RAPGEF6: variants seen among roughly 807,000 people sequenced by gnomAD.
RAPGEF6 encodes Rap guanine nucleotide exchange factor 6.
Under a neutral mutation model 171.4 loss-of-function variants are expected in RAPGEF6, and 56 were observed. That is an observed-to-expected ratio of 0.33 (90% CI 0.26 to 0.41). The LOEUF is 0.41. RAPGEF6 is among the 10% of genes least tolerant of loss of function. The pLI, the probability that RAPGEF6 is intolerant of heterozygous loss-of-function variation, is 1.00. For missense variants in RAPGEF6, 1,674 were observed against 1,921.4 expected (o/e 0.87, Z 2.41); for synonymous variants, 692 against 650.1 (o/e 1.06, Z -0.98).
intron 6 of RAPGEF6, 97 bp downstream of exon 6, chr5:131,547,950 A>G (rs1385302190): frequency 1.5e-6 from 2 of 1,325,796 alleles, no homozygotes; most frequent in African/African-American, 3.0e-5. Flanking sequence ...TCACATACAG[A>G]GCCCAGCATG....
intron 19 of RAPGEF6, among the ~76,000 whole-genome samples, chr5:131,456,716 C>T (rs1164189108): frequency 6.6e-6 from 1 of 152,166 alleles, no homozygotes; most frequent in Non-Finnish European, 1.5e-5. Flanking sequence ...ATCAGCAAAT[C>T]CTGTTTCTCA....
At chr5:131,531,652 TTTGTAAAATAGCACAATTCAA>T (rs1402092237) in intron 6 of RAPGEF6, among the ~76,000 whole-genome samples, 3 of 152,210 alleles carry the variant, frequency 2.0e-5, no homozygotes, top group Admixed American at 2.0e-4. Context: ...TCAACTAATC[TTTGTAAAATAGCACAATTCAA>T]TTGTAAAATA....
At chr5:131,515,840 G>C (rs935627445) in intron 7 of RAPGEF6, among the ~76,000 whole-genome samples, 2 of 152,038 alleles carry the variant, frequency 1.3e-5, no homozygotes, top group Non-Finnish European at 2.9e-5. Flanking sequence ...GTGTAAGTGG[G>C]GGAACAGTAA....
chr5:131,625,402 G>A (rs1467138467), intron 1 of RAPGEF6, among the ~76,000 whole-genome samples: 1 of 152,152 alleles, frequency 6.6e-6, no homozygotes, highest in African/African-American at 2.4e-5. Flanking sequence ...TCCAACCAGT[G>A]ACCAGGTTGG....
chr5:131,533,343 CTA>C (rs1326808510), intron 6 of RAPGEF6, among the ~76,000 whole-genome samples: 1 of 151,970 alleles, frequency 6.6e-6, no homozygotes, highest in Non-Finnish European at 1.5e-5. Flanking sequence ...TGATACACAG[CTA>C]TATTTGGGAA....
intron 16 of RAPGEF6, among the ~76,000 whole-genome samples, chr5:131,478,065 A>AG (rs1755231297): frequency 6.6e-6 from 1 of 152,164 alleles, no homozygotes; most frequent in Non-Finnish European, 1.5e-5. Context: ...GGTATTTTAA[A>AG]GTAATGATTT....
chr5:131,587,989 T>C (rs1324735199), intron 4 of RAPGEF6, among the ~76,000 whole-genome samples: 1 of 151,658 alleles, frequency 6.6e-6, no homozygotes, highest in African/African-American at 2.4e-5. Flanking sequence ...GGGAGCAATG[T>C]AGCTTTTTTT....
chr5:131,627,681 T>C (rs1345628966), intron 1 of RAPGEF6, among the ~76,000 whole-genome samples: 3 of 152,230 alleles, frequency 2.0e-5, no homozygotes, highest in Non-Finnish European at 4.4e-5. Flanking sequence ...AGTACAGGCA[T>C]ACTCTGTTTT....
intron 3 of RAPGEF6, among the ~76,000 whole-genome samples, chr5:131,595,448 T>C (rs1041378180): frequency 2.6e-5 from 4 of 152,242 alleles, no homozygotes; most frequent in Non-Finnish European, 4.4e-5. Flanking sequence ...GGTAGTTCTT[T>C]ATGACAGCGT....
intron 3 of RAPGEF6, among the ~76,000 whole-genome samples, chr5:131,599,339 C>A (rs913610440): frequency 6.7e-6 from 1 of 149,778 alleles, no homozygotes; most frequent in Non-Finnish European, 1.5e-5. Context: ...AAACAAAAAA[C>A]AACAACAACA....
Position 131,622,069 on chromosome 5 carries a change from T to C in RAPGEF6, c.69+12893A>G, listed in dbSNP as rs577678683. Among the ~76,000 whole-genome samples the C allele has an allele frequency of 1.8e-4, 27 of 152,314 alleles. No individual in the cohort carries two copies. The South Asian group carries it at 5.4e-3, about 30-fold the overall frequency. On this transcript the variant is annotated intron_variant, in intron 1 of 27. Coordinates refer to ENST00000509018, the MANE Select transcript of RAPGEF6 (RefSeq NM_016340.6). Reference sequence around the variant, plus strand: ...TAATATTTACCGCACAAATGTTCATTAGGCAATCTCCCTCAAAAAAATTAT... The same window carrying C: ...TAATATTTACCGCACAAATGTTCATCAGGCAATCTCCCTCAAAAAAATTAT...
chr5:131,463,000 T>C (rs1313722174), intron 18 of RAPGEF6, among the ~76,000 whole-genome samples: 1 of 152,242 alleles, frequency 6.6e-6, no homozygotes, highest in Non-Finnish European at 1.5e-5. Context: ...GTAACTCATT[T>C]AATCCTTACA....
intron 4 of RAPGEF6, among the ~76,000 whole-genome samples, chr5:131,566,894 A>C (rs1317692362): frequency 6.6e-6 from 1 of 151,968 alleles, no homozygotes; most frequent in Non-Finnish European, 1.5e-5. Flanking sequence ...GGATCACCTG[A>C]GGTCAGGAGT....
At chr5:131,449,822 A>G (rs2149820113) in intron 21 of RAPGEF6, among the ~76,000 whole-genome samples, 1 of 152,368 alleles carries the variant, frequency 6.6e-6, no homozygotes, top group South Asian at 2.1e-4. Flanking sequence ...CTTATAGGGC[A>G]TCAATAGTGG....
In RAPGEF6 at chr5:131,495,595, C is replaced by T; in HGVS notation, c.1485G>A (p.Met495Ile). ...TTTCAAATTCCTCTAGAAATCGAGT[C>T]ATAGCAGGGTCACCTTCAAAATCAT... ...HFNDFEGDPAMTRFLEEFEKN... is the reference protein window; with the variant it reads ...HFNDFEGDPAITRFLEEFEKN... The change falls in exon 13 of 28, where the codon ATG (methionine) becomes ATA (isoleucine). Residue 495 changes from methionine to isoleucine, a missense_variant. By Grantham distance (10) the Met-to-Ile change is conservative. Coordinates refer to ENST00000509018, the MANE Select transcript of RAPGEF6 (RefSeq NM_016340.6). 1 of 1,613,688 alleles carries T rather than the reference C, an allele frequency of 6.2e-7. No individual in the cohort carries two copies. Among genetic ancestry groups the T allele is most frequent in the South Asian group, 1.1e-5 (1 of 91,012 alleles).
intron 1 of RAPGEF6, among the ~76,000 whole-genome samples, chr5:131,623,636 C>A (rs1262619778): frequency 1.3e-5 from 2 of 152,064 alleles, no homozygotes; most frequent in African/African-American, 2.4e-5. Context: ...CAGGCATGCA[C>A]CACCACGCCC....
In RAPGEF6 at chr5:131,504,778, A is replaced by C; in HGVS notation, c.1102T>G (p.Phe368Val). The change falls in exon 11 of 28, where the codon TTT becomes GTT. Residue 368 changes from phenylalanine (F) to valine (V), a missense_variant and splice_region_variant. Phe to Val is a conservative substitution (Grantham distance 50). Around this residue, in one of 3 missense-constraint regions of RAPGEF6, gnomAD observed 1,116 missense variants for 1,321.5 expected, o/e 0.84. Transcript: ENST00000509018. Reference sequence around the variant, plus strand: ...TAATCTTGCTGGGCTATGCAGACAAACTGTCCAAGAACAACATGGGGACAG... The same window carrying C: ...TAATCTTGCTGGGCTATGCAGACAACCTGTCCAAGAACAACATGGGGACAG... Reference protein sequence around the residue: ...IVRTKVDDCQFVCIAQQDYWR... With the variant: ...IVRTKVDDCQVVCIAQQDYWR... 3.1e-6 allele frequency: 5 copies of C among 1,610,166 alleles called. No individual in the cohort carries two copies. Among genetic ancestry groups the C allele is most frequent in the Non-Finnish European group, 3.4e-6 (4 of 1,178,148 alleles).
intron 6 of RAPGEF6, among the ~76,000 whole-genome samples, chr5:131,529,903 T>C (rs1287184071): frequency 2.2e-5 from 3 of 138,296 alleles, no homozygotes; most frequent in South Asian, 2.5e-4. Context: ...GTCTCCCTCT[T>C]TTTTTTTTTT....
intron 18 of RAPGEF6, among the ~76,000 whole-genome samples, chr5:131,462,972 T>C (rs1413728664): frequency 1.3e-5 from 2 of 152,234 alleles, no homozygotes; most frequent in African/African-American, 4.8e-5. Flanking sequence ...TTTAACATTA[T>C]AAGGTATGGT....
Sources: gnomAD v4.1 joint callset for allele counts (sites outside exome capture counted in the v4.1 genomes callset) on GRCh38, gnomAD v4.1.1 for gene constraint, gnomAD v4.1.1 regional missense constraint, MANE v1.5 for transcripts, NCBI Gene and HGNC (gene_info 2026-07-23, HGNC 2026-07-21) for gene names.